MAOB: variants seen among roughly 807,000 people sequenced by gnomAD.
The protein encoded by MAOB is monoamine oxidase B.
In MAOB, 15 loss-of-function variants were observed where a neutral mutation model predicts 41.9. The observed-to-expected ratio is 0.36, with a 90% CI of 0.24 to 0.55. The LOEUF is 0.55. Ranked by LOEUF, MAOB falls within the 20% of genes least tolerant of loss-of-function variation. The pLI, the probability that MAOB is intolerant of heterozygous loss-of-function variation, is 0.86. For synonymous variants in MAOB, 167 were observed against 144.2 expected (o/e 1.16, Z -1.13); for missense variants, 345 against 398.7 (o/e 0.87, Z 1.15).
intron 12 of MAOB, 113 bp downstream of exon 12, chrX:43,775,055 GTTTTTTT>G (rs373072993): frequency 1.5e-5 from 9 of 617,003 alleles, no homozygotes; most frequent in Non-Finnish European, 8.0e-6. Flanking sequence ...AAATTGGGTT[GTTTTTTT>G]TTTTTTTTTT....
At chrX:43,813,635 T>G (rs181730625) in intron 3 of MAOB, among the ~76,000 whole-genome samples, 7 of 111,898 alleles carry the variant, frequency 6.3e-5, no homozygotes, top group Middle Eastern at 9.2e-3. Context: ...CCAGATCATT[T>G]TTGTGGCTGT....
chrX:43,796,701 A>C (rs1053084818), intron 6 of MAOB, among the ~76,000 whole-genome samples: 1 of 111,693 alleles, frequency 9.0e-6, no homozygotes. Context: ...TGCCTTATAC[A>C]GTGCCGGGGC....
intron 7 of MAOB, among the ~76,000 whole-genome samples, chrX:43,794,923 G>A (rs538989852): frequency 3.7e-5 from 4 of 108,542 alleles, no homozygotes; most frequent in Middle Eastern, 4.7e-3. Flanking sequence ...GGAAAAAAGT[G>A]CTTTTTTCCA....
At chrX:43,822,781 T>C (rs917986648) in intron 3 of MAOB, among the ~76,000 whole-genome samples, 1 of 110,798 alleles carries the variant, frequency 9.0e-6, no homozygotes, top group African/African-American at 3.3e-5. Context: ...ACAAAGAAAG[T>C]GGGTATGAGA....
chrX:43,854,614 C>T lies in MAOB; in HGVS notation c.47-10850G>A, dbSNP rs537925136. On this transcript the variant is annotated intron_variant, in intron 1 of 14. Transcript: ENST00000378069. ...TGATAGGTGCAGCAAGCCACCATGG[C>T]ATATGTATACCTATGTAACAAACCT... 9.0e-5 allele frequency among the ~76,000 whole-genome samples: 10 copies of T among 111,493 alleles called. No individual in the cohort carries two copies. In the South Asian group the frequency reaches 3.8e-3, roughly 43 times the overall value.
At chrX:43,775,734 T>C (rs1445811601) in intron 11 of MAOB, among the ~76,000 whole-genome samples, 1 of 111,958 alleles carries the variant, frequency 8.9e-6, no homozygotes, top group East Asian at 2.8e-4. Flanking sequence ...TGAACAAACA[T>C]GTTTTTGTGG....
Position 43,767,336 on chromosome X carries a change from T to C in MAOB, c.*130A>G, listed in dbSNP as rs1299096351. On this transcript the variant is annotated 3_prime_UTR_variant, in exon 15 of 15. Transcript: ENST00000378069. ...ATACCATGTATTTTACAGTCAGAGT[T>C]GGATTTATCTTCATGCTCCCCGCCT... 1 of 620,637 alleles carries C rather than the reference T, an allele frequency of 1.6e-6. No homozygotes were observed. Among genetic ancestry groups the C allele is most frequent in the East Asian group, 3.7e-5 (1 of 27,090 alleles). The allele number at this position is 620,637 out of a possible 1,213,427, so 51.1% of individuals were successfully genotyped here.
At chrX:43,805,808 C>A (rs1419608729) in intron 3 of MAOB, among the ~76,000 whole-genome samples, 1 of 111,716 alleles carries the variant, frequency 9.0e-6, no homozygotes, top group Non-Finnish European at 1.9e-5. Context: ...ATGGCTGAGT[C>A]ACACAGTGGG....
chrX:43,865,616 G>C (rs1479329553), intron 1 of MAOB, among the ~76,000 whole-genome samples: 1 of 111,540 alleles, frequency 9.0e-6, no homozygotes, highest in Non-Finnish European at 1.9e-5. Context: ...TAAAATTTTA[G>C]AACTCAATAA....
chrX:43,811,835 C>T (rs147366512), intron 3 of MAOB, among the ~76,000 whole-genome samples: 38 of 111,988 alleles, frequency 3.4e-4, no homozygotes, highest in African/African-American at 1.2e-3. Flanking sequence ...CTTTGTGTCA[C>T]AAACAATCCA....
chrX:43,850,950 T>C (rs1023779302), intron 1 of MAOB, among the ~76,000 whole-genome samples: 1 of 112,547 alleles, frequency 8.9e-6, no homozygotes, highest in Admixed American at 9.4e-5. Context: ...TCACAGTTTA[T>C]ATGCAAATGA....
chrX:43,814,461 C>A (rs942219853), intron 3 of MAOB, among the ~76,000 whole-genome samples: 4 of 112,324 alleles, frequency 3.6e-5, no homozygotes, highest in African/African-American at 1.3e-4. Flanking sequence ...CTTCAAGAAG[C>A]CTTCCAAGCT....
intron 1 of MAOB, among the ~76,000 whole-genome samples, chrX:43,864,544 TG>T (rs1184663853): frequency 8.9e-6 from 1 of 111,788 alleles, no homozygotes; most frequent in Non-Finnish European, 1.9e-5. Flanking sequence ...AAACAATGGA[TG>T]GATAAACTTT....
chrX:43,867,762 TTTTG>T (rs1250421794), intron 1 of MAOB, among the ~76,000 whole-genome samples: 2 of 112,546 alleles, frequency 1.8e-5, no homozygotes, highest in African/African-American at 6.4e-5. Context: ...TGCACATGTA[TTTTG>T]TTTGTTCTTC....
chrX:43,835,456 G>A (rs1318646694), intron 3 of MAOB, among the ~76,000 whole-genome samples: 5 of 111,980 alleles, frequency 4.5e-5, no homozygotes, highest in Non-Finnish European at 9.4e-5. Context: ...GAGCTGAAGC[G>A]ATCCCTTTCT....
rs148264689 is a variant in MAOB, at chrX:43,795,875, A to G, written c.632T>C (p.Val211Ala). Residue 211 changes from valine (V) to alanine (A), a missense_variant, in exon 7 of 15, where the codon GTG (valine) becomes GCG (alanine). Val to Ala is a moderately conservative substitution (Grantham distance 64, BLOSUM62 0). Transcript: ENST00000378069. ...TTNGGQERKF[V>A]GGSGQVSERI... ...CTCACTCACTTGACCAGATCCGCCC[A>G]CAAATTTCCTCTCCTGGAAAGAGAA... 1.0e-5 allele frequency: 12 copies of G among 1,205,213 alleles called. No individual in the cohort carries two copies. In the African/African-American group the frequency reaches 1.6e-4, roughly 16 times the overall value.
intron 11 of MAOB, among the ~76,000 whole-genome samples, chrX:43,777,320 C>A (rs1165990586): frequency 9.0e-6 from 1 of 110,818 alleles, no homozygotes; most frequent in Non-Finnish European, 1.9e-5. Context: ...TGTCTTGATA[C>A]TTTACTCAAT....
intron 1 of MAOB, among the ~76,000 whole-genome samples, chrX:43,878,998 G>T (rs1005829204): frequency 1.8e-5 from 2 of 111,762 alleles, no homozygotes; most frequent in Non-Finnish European, 3.8e-5. Flanking sequence ...TTATTTTGGG[G>T]ATTGAACAAG....
chrX:43,838,760 TGC>T, intron 3 of MAOB, 106 bp downstream of exon 3: 4 of 769,606 alleles, frequency 5.2e-6, no homozygotes, highest in Non-Finnish European at 7.1e-6. Context: ...AAAATACATT[TGC>T]ATCATCCAGA....
Sources: gnomAD v4.1 joint callset for allele counts (sites outside exome capture counted in the v4.1 genomes callset) on GRCh38, gnomAD v4.1.1 for gene constraint, MANE v1.5 for transcripts, NCBI Gene and HGNC (gene_info 2026-07-23, HGNC 2026-07-21) for gene names.